RIT2: variants seen among roughly 807,000 people sequenced by gnomAD.
RIT2 encodes the protein GTP-binding protein Rit2.
In RIT2, 24 loss-of-function variants were observed where a neutral mutation model predicts 23.7. That is an observed-to-expected ratio of 1.01 (90% CI 0.73 to 1.43). RIT2 has a LOEUF of 1.43. Ranked by LOEUF, RIT2 falls within the 40% of genes most tolerant of loss-of-function variation. RIT2 has a pLI of 0.00. For synonymous variants in RIT2, 107 were observed against 91.1 expected (o/e 1.17, Z -0.99); for missense variants, 236 against 266.9 (o/e 0.88, Z 0.81).
chr18:42,819,109 G>A (rs1205658438), intron 4 of RIT2, among the ~76,000 whole-genome samples: 1 of 151,996 alleles, frequency 6.6e-6, no homozygotes, highest in African/African-American at 2.4e-5. Context: ...CTCAGCTTGT[G>A]AGCAAAAGCG....
chr18:42,989,712 T>C (rs768208958), intron 2 of RIT2, among the ~76,000 whole-genome samples: 22 of 152,198 alleles, frequency 1.4e-4, no homozygotes, highest in Non-Finnish European at 8.8e-5. Flanking sequence ...GATCACTTGC[T>C]GCAAAACCGT....
At chr18:42,824,842 A>C (rs1181574193) in intron 4 of RIT2, among the ~76,000 whole-genome samples, 1 of 151,856 alleles carries the variant, frequency 6.6e-6, no homozygotes, top group Non-Finnish European at 1.5e-5. Context: ...AGAAAAATGC[A>C]GAGCACATAC....
intron 4 of RIT2, among the ~76,000 whole-genome samples, chr18:42,875,598 T>G (rs1907725732): frequency 1.3e-5 from 2 of 152,054 alleles, no homozygotes; most frequent in Non-Finnish European, 2.9e-5. Context: ...GTAGCTGAAC[T>G]ATTGTTTAAA....
At chr18:42,819,514 C>G (rs557707178) in intron 4 of RIT2, among the ~76,000 whole-genome samples, 1 of 151,854 alleles carries the variant, frequency 6.6e-6, no homozygotes, top group Non-Finnish European at 1.5e-5. Flanking sequence ...GATGTATTCT[C>G]CAGCAAAGTG....
intron 2 of RIT2, among the ~76,000 whole-genome samples, chr18:43,026,476 C>A (rs535320991): frequency 4.6e-5 from 7 of 151,560 alleles, no homozygotes; most frequent in Non-Finnish European, 8.8e-5. Flanking sequence ...ATCACTTGAA[C>A]CCGGGAGGCA....
chr18:42,899,226 C>A (rs747179415), intron 4 of RIT2, among the ~76,000 whole-genome samples: 1 of 151,174 alleles, frequency 6.6e-6, no homozygotes, highest in South Asian at 2.1e-4. Flanking sequence ...TGTCACATTT[C>A]AGTGGGCATA....
chr18:42,802,524 C>G (rs990268713), intron 4 of RIT2, among the ~76,000 whole-genome samples: 13 of 151,978 alleles, frequency 8.6e-5, no homozygotes, highest in Non-Finnish European at 8.8e-5. Context: ...GCAACATTGT[C>G]TAGTATCATC....
chr18:43,101,812 A>G (rs1367329755), intron 1 of RIT2, among the ~76,000 whole-genome samples: 1 of 152,206 alleles, frequency 6.6e-6, no homozygotes, highest in Non-Finnish European at 1.5e-5. Context: ...AAAAATATTA[A>G]AGGCTTTTGT....
In RIT2 at chr18:42,743,609, C is replaced by A. The variant is rs753906491; in HGVS notation, c.538G>T (p.Glu180Ter). 27 of 1,613,938 alleles carry A rather than the reference C, an allele frequency of 1.7e-5. No homozygotes were observed. The highest frequency in any genetic ancestry group is 8.5e-7 in the Non-Finnish European group (1 of 1,180,006). The change falls in exon 5 of 5, where the codon GAA becomes TAA. Residue 180 changes from glutamate (E) to a stop codon, truncating the protein, a stop_gained. Coordinates refer to ENST00000326695, the MANE Select transcript of RIT2 (RefSeq NM_002930.4). LOFTEE classifies it high-confidence loss of function. ...IDDAFHGLVR[E>*]IRKKESMPSL... The stretch of plus-strand genomic sequence containing the variant: ...GGCATGGACTCCTTCTTGCGAATTT[C>A]CCTCACTAAGCCATGAAAAGCATCA...
chr18:43,043,747 T>G (rs750690992), intron 1 of RIT2, among the ~76,000 whole-genome samples: 1 of 151,940 alleles, frequency 6.6e-6, no homozygotes, highest in Admixed American at 6.6e-5. Context: ...CTGAGATAGC[T>G]GAGATAGTGC....
At position 43,101,915 on chromosome 18, in the gene RIT2, T is replaced by C. The variant is rs1178542390; in HGVS notation, c.103+13502A>G. 2.6e-5 allele frequency among the ~76,000 whole-genome samples: 4 copies of C among 152,166 alleles called. No individual in the cohort carries two copies. The East Asian group carries it at 7.7e-4, about 29-fold the overall frequency. On this transcript the variant is annotated intron_variant, in intron 1 of 4. Coordinates refer to ENST00000326695, the MANE Select transcript of RIT2 (RefSeq NM_002930.4). ...AAGTAGAAAAGAGTGGGTAGCTAGC[T>C]AAACAAAAAATAGACAAAATAGGAA...
At chr18:42,807,035 G>A (rs1176398608) in intron 4 of RIT2, among the ~76,000 whole-genome samples, 2 of 152,118 alleles carry the variant, frequency 1.3e-5, no homozygotes, top group Non-Finnish European at 2.9e-5. Context: ...ATTATATATT[G>A]TATTAATTGT....
intron 4 of RIT2, among the ~76,000 whole-genome samples, chr18:42,823,246 C>G (rs577859091): frequency 2.0e-5 from 3 of 152,242 alleles, no homozygotes; most frequent in South Asian, 2.1e-4. Context: ...TCAGAGCCAG[C>G]CAATTTTACT....
intron 4 of RIT2, among the ~76,000 whole-genome samples, chr18:42,892,666 A>G (rs1033323444): frequency 1.3e-5 from 2 of 152,226 alleles, no homozygotes; most frequent in Non-Finnish European, 2.9e-5. Context: ...AGGATCATGT[A>G]CATAAAACAT....
Position 42,743,594 on chromosome 18 carries a change from CCTT to C in RIT2, c.550_552del (p.Lys184del), listed in dbSNP as rs766593005. ...TTTTCCATCAAGGATGGCATGGACT[CCTT>C]CTTGCGAATTTCCCTCACTAAGCCA... On this transcript the variant is annotated inframe_deletion, in exon 5 of 5. Coordinates refer to ENST00000326695, the MANE Select transcript of RIT2 (RefSeq NM_002930.4). 26 of 1,614,066 alleles carry C rather than the reference CCTT, an allele frequency of 1.6e-5. No individual in the cohort carries two copies. Among genetic ancestry groups the C allele is most frequent in the African/African-American group, 2.7e-5 (2 of 75,036 alleles).
chr18:42,900,324 G>GA (rs1908441720), intron 4 of RIT2, among the ~76,000 whole-genome samples: 1 of 151,986 alleles, frequency 6.6e-6, no homozygotes, highest in African/African-American at 2.4e-5. Context: ...GGGCTTTTCA[G>GA]AAAACCTACC....
chr18:42,932,803 C>G (rs1909358894), intron 3 of RIT2, among the ~76,000 whole-genome samples: 1 of 152,056 alleles, frequency 6.6e-6, no homozygotes, highest in African/African-American at 2.4e-5. Flanking sequence ...CCTTCCTTTG[C>G]CGTGATCTGA....
chr18:43,059,965 G>A lies in RIT2; in HGVS notation c.104-26098C>T, dbSNP rs149938913. ...GTAACCCCACCTCAGAGGCTAAGAA[G>A]GCCTCCTTAGAGAAGTTCCAGGAAG... is the stretch of plus-strand genomic sequence containing the variant. On this transcript the variant is annotated intron_variant, in intron 1 of 4. Coordinates refer to ENST00000326695, the MANE Select transcript of RIT2 (RefSeq NM_002930.4). Among the ~76,000 whole-genome samples, 556 of 152,210 alleles carry A rather than the reference G, an allele frequency of 3.7e-3. 2 individuals are homozygous for A. The highest frequency in any genetic ancestry group is 6.4e-3 in the South Asian group (31 of 4,816).
At chr18:42,906,364 A>T (rs1908621663) in intron 4 of RIT2, among the ~76,000 whole-genome samples, 1 of 152,288 alleles carries the variant, frequency 6.6e-6, no homozygotes, top group Middle Eastern at 3.4e-3. Flanking sequence ...TATGCAGCAA[A>T]GTAGAATCAT....
Sources: allele counts gnomAD v4.1 joint callset (sites outside exome capture counted in the v4.1 genomes callset), GRCh38; gene constraint gnomAD v4.1.1; transcripts MANE v1.5; gene names NCBI Gene and HGNC (gene_info 2026-07-23, HGNC 2026-07-21).